MCPH1: variants seen among roughly 807,000 people sequenced by gnomAD.
MCPH1 encodes the protein microcephalin 1, also known as microcephalin.
In MCPH1, 104 loss-of-function variants were observed where a neutral mutation model predicts 84.5. The ratio of observed to expected loss-of-function variants is 1.23; its 90% confidence interval spans 1.05 to 1.45. The LOEUF (loss-of-function observed/expected upper bound fraction) is 1.45. MCPH1 is among the 40% of genes most tolerant of loss of function. The pLI is 0.00. For synonymous variants in MCPH1, 514 were observed against 366.8 expected (o/e 1.40, Z -4.58); for missense variants, 1,498 against 1,005.7 (o/e 1.49, Z -6.62).
At chr8:6,571,699 A>AC (rs1826671538) in intron 12 of MCPH1, among the ~76,000 whole-genome samples, 1 of 152,196 alleles carries the variant, frequency 6.6e-6, no homozygotes, top group African/African-American at 2.4e-5. Context: ...AAAATTGCTT[A>AC]TGTCAAAGAA....
At position 6,441,210 on chromosome 8, in the gene MCPH1, C is replaced by G. The variant is rs568307514; in HGVS notation, c.581-857C>G. ...TGAGAATGGACATTGAGGTAGATAA[C>G]TAGCTGTGTCCCAGGTGGACATCCA... On this transcript the variant is annotated intron_variant, in intron 6 of 13. Transcript: ENST00000344683. Among the ~76,000 whole-genome samples the G allele has an allele frequency of 4.6e-5, 7 of 152,334 alleles. No individual in the cohort carries two copies. The East Asian group carries it at 9.6e-4, about 21-fold the overall frequency.
At position 6,466,050 on chromosome 8, in the gene MCPH1, G is replaced by A. The variant is rs1379420717; in HGVS notation, c.1935+10798G>A. On this transcript the variant is annotated intron_variant, in intron 9 of 13. Coordinates refer to ENST00000344683, the MANE Select transcript of MCPH1 (RefSeq NM_024596.5). ...GCTCACTGCAACCTCTGCCTCCCCA[G>A]TTCAAGTGATTCTTGTGCCTCAGCC... is the stretch of plus-strand genomic sequence containing the variant. 4.6e-5 allele frequency among the ~76,000 whole-genome samples: 7 copies of A among 151,292 alleles called. No individual in the cohort carries two copies. The South Asian group carries it at 1.3e-3, about 27-fold the overall frequency.
chr8:6,411,240 T>G (rs999489810), intron 2 of MCPH1, among the ~76,000 whole-genome samples: 1 of 152,186 alleles, frequency 6.6e-6, no homozygotes, highest in Non-Finnish European at 1.5e-5. Flanking sequence ...CCCAAGTTCC[T>G]GAAAAGTAAC....
At chr8:6,430,485 C>A (rs947010146) in intron 3 of MCPH1, among the ~76,000 whole-genome samples, 1 of 152,210 alleles carries the variant, frequency 6.6e-6, no homozygotes, top group Non-Finnish European at 1.5e-5. Flanking sequence ...ACATTCACTA[C>A]CCTAGTGTCA....
intron 12 of MCPH1, among the ~76,000 whole-genome samples, chr8:6,573,060 C>A (rs1262325966): frequency 6.6e-6 from 1 of 152,102 alleles, no homozygotes. Flanking sequence ...AAAGGCGAGA[C>A]CACGGAAGTT....
intron 3 of MCPH1, among the ~76,000 whole-genome samples, chr8:6,429,131 A>T (rs1801475963): frequency 6.6e-6 from 1 of 152,204 alleles, no homozygotes; most frequent in South Asian, 2.1e-4. Context: ...TTAAATCGGT[A>T]GTTTATGTTT....
intron 12 of MCPH1, among the ~76,000 whole-genome samples, chr8:6,536,341 T>C (rs1045593409): frequency 4.6e-5 from 7 of 152,164 alleles, no homozygotes; most frequent in African/African-American, 1.7e-4. Context: ...GGCTGAGCAC[T>C]GGAATGACCC....
chr8:6,538,912 C>G (rs1001764592), intron 12 of MCPH1, among the ~76,000 whole-genome samples: 1 of 152,172 alleles, frequency 6.6e-6, no homozygotes, highest in African/African-American at 2.4e-5. Context: ...ATTTGGGAGG[C>G]TTTTGACCTA....
chr8:6,480,623 G>C (rs1375015575), intron 10 of MCPH1, 91 bp from the exon 11 acceptor site: 3 of 1,479,862 alleles, frequency 2.0e-6, no homozygotes, highest in East Asian at 4.5e-5. Context: ...TGGCTTTCTA[G>C]TTTTATTAGT....
intron 12 of MCPH1, among the ~76,000 whole-genome samples, chr8:6,538,512 C>T (rs1049467697): frequency 1.1e-4 from 16 of 152,158 alleles, no homozygotes; most frequent in African/African-American, 2.4e-4. Flanking sequence ...TCCTGACTGG[C>T]GCCCCTGATC....
In MCPH1 at chr8:6,610,822, C is replaced by T. The variant is rs150399998; in HGVS notation, c.2215-10632C>T. Among the ~76,000 whole-genome samples, 209 of 151,616 alleles carry T rather than the reference C, an allele frequency of 1.4e-3. 1 individual carries two copies. The highest frequency in any genetic ancestry group is 4.4e-3 in the African/African-American group (182 of 41,110). On this transcript the variant is annotated intron_variant, in intron 12 of 13. Transcript: ENST00000344683. ...TTTCCTTAAAACTAAGAACATAAGA[C>T]GCTGATTTTTCTTCCAGAAAAAAAA...
At chr8:6,583,001 A>G (rs1441756672) in intron 12 of MCPH1, among the ~76,000 whole-genome samples, 2 of 152,178 alleles carry the variant, frequency 1.3e-5, no homozygotes, top group Non-Finnish European at 2.9e-5. Flanking sequence ...CTCTGCACAT[A>G]GTCGGCGGTG....
At chr8:6,589,735 GT>G (rs1461495932) in intron 12 of MCPH1, among the ~76,000 whole-genome samples, 1 of 152,148 alleles carries the variant, frequency 6.6e-6, no homozygotes, top group Non-Finnish European at 1.5e-5. Context: ...TCCATGACAC[GT>G]GCTGCAACCA....
chr8:6,453,704 T>C (rs1266525470), intron 8 of MCPH1, among the ~76,000 whole-genome samples: 5 of 152,160 alleles, frequency 3.3e-5, no homozygotes. Flanking sequence ...TAATTAATAA[T>C]TCTAATTATT....
chr8:6,559,796 C>G (rs537855071), intron 12 of MCPH1, among the ~76,000 whole-genome samples: 5 of 152,298 alleles, frequency 3.3e-5, no homozygotes, highest in Non-Finnish European at 5.9e-5. Flanking sequence ...GCAGGATTAG[C>G]AAGAGAGACG....
chr8:6,414,791 A>T lies in MCPH1; in HGVS notation c.141A>T (p.Val47=). The change falls in exon 3 of 14, where the codon GTA becomes GTT. Residue 47 remains valine, a synonymous_variant. Coordinates refer to ENST00000344683, the MANE Select transcript of MCPH1 (RefSeq NM_024596.5). The part of the protein sequence containing the change: ...AKVSKTFNKQ[V]THVIFKDGYQ... ...TTTCAAAAACTTTTAACAAACAAGT[A>T]ACTCACGTTATCTTCAAAGATGGCT... 8 of 1,613,908 alleles carry T rather than the reference A, an allele frequency of 5.0e-6. No homozygotes were observed. Among genetic ancestry groups the T allele is most frequent in the Non-Finnish European group, 5.1e-6 (6 of 1,179,884 alleles).
At chr8:6,475,859 G>A (rs1295501811) in intron 9 of MCPH1, among the ~76,000 whole-genome samples, 1 of 152,168 alleles carries the variant, frequency 6.6e-6, no homozygotes, top group Non-Finnish European at 1.5e-5. Context: ...TGGGGTGTGG[G>A]GTTGGCAGGG....
intron 13 of MCPH1, chr8:6,627,334 A>C: frequency 1.0e-6 from 1 of 974,840 alleles, no homozygotes; most frequent in Non-Finnish European, 1.2e-6. Context: ...CAGAGAGGAG[A>C]GTGAGGACGG....
At chr8:6,541,862 G>A (rs956406453) in intron 12 of MCPH1, among the ~76,000 whole-genome samples, 3 of 151,986 alleles carry the variant, frequency 2.0e-5, no homozygotes, top group African/African-American at 7.3e-5. Context: ...TTAAAAATTA[G>A]CTGGACATGG....
Sources: gnomAD v4.1 joint callset for allele counts (sites outside exome capture counted in the v4.1 genomes callset) on GRCh38, gnomAD v4.1.1 for gene constraint, MANE v1.5 for transcripts, NCBI Gene and HGNC (gene_info 2026-07-23, HGNC 2026-07-21) for gene names.